Variants in TRMT10C observed in about 807,000 individuals in gnomAD.
The protein encoded by TRMT10C is tRNA methyltransferase 10C, mitochondrial RNase P subunit.
A neutral mutation model predicts 27.4 loss-of-function variants in TRMT10C; 14 were observed. The observed-to-expected ratio is 0.51, with a 90% CI of 0.34 to 0.80. The LOEUF (loss-of-function observed/expected upper bound fraction) is 0.80, where lower values mean the gene tolerates loss of function less well. Among genes scored for constraint, TRMT10C ranks in the 30% least tolerant of loss-of-function variants. The pLI is 0.02. For missense variants in TRMT10C, 438 were observed against 464.8 expected, an observed-to-expected ratio of 0.94 and a Z score of 0.53; for synonymous variants, 143 against 155.9, an observed-to-expected ratio of 0.92 and a Z score of 0.62.
At chr3:101,564,012 C>T (rs1934467488) in intron 1 of TRMT10C, among the ~76,000 whole-genome samples, 1 of 152,120 alleles carries the variant, frequency 6.6e-6, no homozygotes, top group Non-Finnish European at 1.5e-5. Flanking sequence ...ATTCTCAGTA[C>T]CTTTCATGTC....
rs1183681532 is a variant in TRMT10C at position 101,565,257 on chromosome 3, A to C, written c.476A>C (p.Glu159Ala). 6.2e-7 allele frequency: 1 copy of C among 1,611,622 alleles called. No individual in the cohort carries two copies. Among genetic ancestry groups the C allele is most frequent in the South Asian group, 1.1e-5 (1 of 90,338 alleles). ...KKEMKAAARE[E>A]AKNIKLLETT... ...GAAATGAAAGCAGCAGCAAGGGAAG[A>C]AGCAAAAAATATCAAGCTGCTAGAA... The change falls in exon 2 of 2, where the codon GAA (glutamate) becomes GCA (alanine). Residue 159 changes from glutamate to alanine, a missense_variant. Transcript: ENST00000309922.
In TRMT10C at chr3:101,564,800, A is replaced by T; in HGVS notation, c.19A>T (p.Met7Leu). ...TTGTTACATGGCTGCTTTCCTCAAAATGAGTGTTAGTGTCAATTTCTTCAG... is the reference window on the plus strand; with the variant it reads ...TTGTTACATGGCTGCTTTCCTCAAATTGAGTGTTAGTGTCAATTTCTTCAG... Reference protein sequence around the residue: MAAFLKMSVSVNFFRPF... With the variant: MAAFLKLSVSVNFFRPF... Residue 7 changes from methionine (M) to leucine (L), a missense_variant, in exon 2 of 2, where the codon ATG (methionine) becomes TTG (leucine). By Grantham distance (15) the Met-to-Leu change is conservative. Transcript: ENST00000309922. The T allele has an allele frequency of 6.4e-7, 1 of 1,570,250 alleles. No individual in the cohort carries two copies. The highest frequency in any genetic ancestry group is 8.7e-7 in the Non-Finnish European group (1 of 1,156,010).
rs1934451810 is a variant in TRMT10C, at chr3:101,563,241, G to A, written c.-13+1238G>A. 2.3e-5 allele frequency among the ~76,000 whole-genome samples: 3 copies of A among 130,420 alleles called. No individual in the cohort carries two copies. The South Asian group carries it at 7.0e-4, about 30-fold the overall frequency. The allele number at this position is 130,420 out of a possible 152,430, so 85.6% of individuals were successfully genotyped here. On this transcript the variant is annotated intron_variant, in intron 1 of 1. Coordinates refer to ENST00000309922, the MANE Select transcript of TRMT10C (RefSeq NM_017819.4). Reference sequence around the variant, plus strand: ...AGCGATTCTTCTACATCAGCCTCACGAGTACCTGGGAAGTAGAAGAATCGC... The same window carrying A: ...AGCGATTCTTCTACATCAGCCTCACAAGTACCTGGGAAGTAGAAGAATCGC...
In TRMT10C at chr3:101,565,025, A is replaced by G. The variant is rs779985920; in HGVS notation, c.244A>G (p.Ile82Val). The G allele has an allele frequency of 8.1e-6, 13 of 1,613,960 alleles. No homozygotes were observed. The highest frequency in any genetic ancestry group is 2.7e-5 in the African/African-American group (2 of 74,900). Reference protein sequence around the residue: ...SSVQEECVSTISSSKDEDPLA... With the variant: ...SSVQEECVSTVSSSKDEDPLA... ...TGTGCAAGAAGAATGTGTTTCAACA[A>G]TCTCAAGCAGTAAGGATGAAGATCC... is the stretch of plus-strand genomic sequence containing the variant. Residue 82 changes from isoleucine to valine, a missense_variant, in exon 2 of 2, where the codon ATC becomes GTC. Around this residue, in one of 3 missense-constraint regions of TRMT10C, gnomAD observed 350 missense variants for 370.5 expected, o/e 0.94. Transcript: ENST00000309922.
In TRMT10C at chr3:101,565,741, C is replaced by G. The variant is rs754536006; in HGVS notation, c.960C>G (p.Gly320=). 8.7e-6 allele frequency: 14 copies of G among 1,614,094 alleles called. No individual in the cohort carries two copies. Among genetic ancestry groups the G allele is most frequent in the Non-Finnish European group, 1.2e-5 (14 of 1,180,052 alleles). ...TTGTTGATAAGAGTATGCAGCCAGG[C>G]ACATCCCTAGCCAAGGCAAAACGGC... The part of the protein sequence containing the change: ...GSFVDKSMQP[G]TSLAKAKRLN... Residue 320 remains glycine (G), a synonymous_variant, in exon 2 of 2, where the codon GGC becomes GGG. Transcript: ENST00000309922.
chr3:101,562,647 CAAA>C (rs913753024), intron 1 of TRMT10C, among the ~76,000 whole-genome samples: 6 of 147,448 alleles, frequency 4.1e-5, no homozygotes, highest in Middle Eastern at 3.5e-3. Context: ...GACTCCGTCT[CAAA>C]AAAAATAATA....
chr3:101,565,757 G>C lies in TRMT10C; in HGVS notation c.976G>C (p.Ala326Pro). The change falls in exon 2 of 2, where the codon GCA (alanine) becomes CCA (proline). Residue 326 changes from alanine (A) to proline (P), a missense_variant. Transcript: ENST00000309922. The part of the protein sequence containing the change: ...SMQPGTSLAK[A>P]KRLNLATECL... ...GCAGCCAGGCACATCCCTAGCCAAG[G>C]CAAAACGGCTGAACCTGGCAACTGA... The C allele has an allele frequency of 6.2e-7, 1 of 1,614,114 alleles. No individual in the cohort carries two copies. Among genetic ancestry groups the C allele is most frequent in the Non-Finnish European group, 8.5e-7 (1 of 1,180,018 alleles).
At chr3:101,564,498 G>C (rs1420742373) in intron 1 of TRMT10C, among the ~76,000 whole-genome samples, 1 of 151,912 alleles carries the variant, frequency 6.6e-6, no homozygotes, top group Non-Finnish European at 1.5e-5. Context: ...GACCTCAGGT[G>C]ATCCACCCAC....
chr3:101,565,033 CAGTA>C lies in TRMT10C; in HGVS notation c.255_258del (p.Ser85ArgfsTer6). The C allele has an allele frequency of 1.9e-6, 3 of 1,613,802 alleles. No homozygotes were observed. The highest frequency in any genetic ancestry group is 2.5e-6 in the Non-Finnish European group (3 of 1,179,990). On this transcript the variant is annotated frameshift_variant, in exon 2 of 2. Coordinates refer to ENST00000309922, the MANE Select transcript of TRMT10C (RefSeq NM_017819.4). LOFTEE classifies it high-confidence loss of function. ...AAGAATGTGTTTCAACAATCTCAAG[CAGTA>C]AGGATGAAGATCCTCTAGCTGCCAC...
At position 101,564,759 on chromosome 3, in the gene TRMT10C, T is replaced by G. The variant is rs1934480497; in HGVS notation, c.-12-11T>G. On this transcript the variant is annotated splice_polypyrimidine_tract_variant and intron_variant, in intron 1 of 1. Coordinates refer to ENST00000309922, the MANE Select transcript of TRMT10C (RefSeq NM_017819.4). ...TGTCTAATTTTTAATTGCATTTTTC[T>G]TCTTTTACAGGGGTTTTGTTACATG... 6.8e-7 allele frequency: 1 copy of G among 1,477,854 alleles called. No individual in the cohort carries two copies. The highest frequency in any genetic ancestry group is 2.3e-5 in the East Asian group (1 of 43,344). 91.5% of individuals were successfully genotyped at this position (1,477,854 alleles called of 1,614,324 possible).
Position 101,565,521 on chromosome 3 carries a change from A to G in TRMT10C, c.740A>G (p.Asn247Ser), listed in dbSNP as rs771098507. Residue 247 changes from asparagine (N) to serine (S), a missense_variant, in exon 2 of 2, where the codon AAT becomes AGT. By Grantham distance (46) the Asn-to-Ser change is conservative (BLOSUM62 1). This residue lies in a region of TRMT10C where 350 missense variants were observed against 370.5 expected (regional missense o/e 0.94). Coordinates refer to ENST00000309922, the MANE Select transcript of TRMT10C (RefSeq NM_017819.4). ...GATCCTTTCCATATTTATTTCTGCAATCTAAAAATAGATGGTGCTTTGCAC... is the reference window on the plus strand; with the variant it reads ...GATCCTTTCCATATTTATTTCTGCAGTCTAAAAATAGATGGTGCTTTGCAC... Reference protein sequence around the residue: ...NVDPFHIYFCNLKIDGALHRE... With the variant: ...NVDPFHIYFCSLKIDGALHRE... 8 of 1,613,550 alleles carry G rather than the reference A, an allele frequency of 5.0e-6. No homozygotes were observed. The highest frequency in any genetic ancestry group is 6.8e-6 in the Non-Finnish European group (8 of 1,179,668).
chr3:101,563,235 C>A (rs149534080), intron 1 of TRMT10C, among the ~76,000 whole-genome samples: 2,409 of 130,874 alleles, frequency 0.018, 57 homozygotes, highest in African/African-American at 0.065. Flanking sequence ...TCTACATCAG[C>A]CTCACGAGTA....
At chr3:101,563,518 A>T (rs1934458843) in intron 1 of TRMT10C, among the ~76,000 whole-genome samples, 1 of 152,118 alleles carries the variant, frequency 6.6e-6, no homozygotes. Context: ...GTCACATCTC[A>T]GAAGGGAAAT....
At chr3:101,562,209 T>C (rs553082831) in intron 1 of TRMT10C, 2 of 152,232 alleles carry the variant, frequency 1.3e-5, no homozygotes, top group Non-Finnish European at 2.9e-5. Context: ...CTTTTTACAA[T>C]TGGGGTTTTC....
At position 101,565,753 on chromosome 3, in the gene TRMT10C, C is replaced by T. The variant is rs1934503654; in HGVS notation, c.972C>T (p.Ala324=). Residue 324 remains alanine, a synonymous_variant, in exon 2 of 2, where the codon GCC becomes GCT. Coordinates refer to ENST00000309922, the MANE Select transcript of TRMT10C (RefSeq NM_017819.4). ...GTATGCAGCCAGGCACATCCCTAGC[C>T]AAGGCAAAACGGCTGAACCTGGCAA... The part of the protein sequence containing the change: ...DKSMQPGTSL[A]KAKRLNLATE... 2 of 1,614,120 alleles carry T rather than the reference C, an allele frequency of 1.2e-6. No homozygotes were observed. Among genetic ancestry groups the T allele is most frequent in the South Asian group, 2.2e-5 (2 of 91,078 alleles).
chr3:101,565,792 A>G lies in TRMT10C; in HGVS notation c.1011A>G (p.Pro337=). The G allele has an allele frequency of 6.2e-7, 1 of 1,614,132 alleles. No homozygotes were observed. The highest frequency in any genetic ancestry group is 8.5e-7 in the Non-Finnish European group (1 of 1,179,960). The change falls in exon 2 of 2, where the codon CCA becomes CCG. Residue 337 remains proline (P), a synonymous_variant. Transcript: ENST00000309922. ...TGAACCTGGCAACTGAATGCCTTCC[A>G]TTAGATAAATATTTACAATGGGAAA... The part of the protein sequence containing the change: ...KRLNLATECL[P]LDKYLQWEIG...
At chr3:101,564,183 A>G (rs779751694) in intron 1 of TRMT10C, among the ~76,000 whole-genome samples, 2 of 151,782 alleles carry the variant, frequency 1.3e-5, no homozygotes, top group Admixed American at 6.6e-5. Context: ...CTAGATAAAA[A>G]TCTAAAAAGG....
rs1179048679 is a variant in TRMT10C, at chr3:101,565,563, G to A, written c.782G>A (p.Arg261Gln). 19 of 1,613,858 alleles carry A rather than the reference G, an allele frequency of 1.2e-5. No individual in the cohort carries two copies. Among genetic ancestry groups the A allele is most frequent in the Admixed American group, 5.0e-5 (3 of 59,970 alleles). ...GCTTTGCACAGAGAGTTAGTTAAAC[G>A]GTATCAAGAAAAATGGGACAAATTG... is the stretch of plus-strand genomic sequence containing the variant. ...DGALHRELVK[R>Q]YQEKWDKLLL... Residue 261 changes from arginine to glutamine, a missense_variant, in exon 2 of 2, where the codon CGG becomes CAG. By Grantham distance (43) the Arg-to-Gln change is conservative. This residue lies in a region of TRMT10C where 350 missense variants were observed against 370.5 expected (regional missense o/e 0.94). Coordinates refer to ENST00000309922, the MANE Select transcript of TRMT10C (RefSeq NM_017819.4).
Position 101,564,802 on chromosome 3 carries a change from G to T in TRMT10C, c.21G>T (p.Met7Ile), listed in dbSNP as rs745784863. The change falls in exon 2 of 2, where the codon ATG becomes ATT. Residue 7 changes from methionine to isoleucine, a missense_variant. Met to Ile is a conservative substitution (Grantham distance 10, BLOSUM62 1). Transcript: ENST00000309922. ...GTTACATGGCTGCTTTCCTCAAAAT[G>T]AGTGTTAGTGTCAATTTCTTCAGAC... MAAFLK[M>I]SVSVNFFRPF... 5 of 1,574,188 alleles carry T rather than the reference G, an allele frequency of 3.2e-6. No homozygotes were observed. Among genetic ancestry groups the T allele is most frequent in the Non-Finnish European group, 4.3e-6 (5 of 1,158,000 alleles).
Sources: allele counts gnomAD v4.1 joint callset (sites outside exome capture counted in the v4.1 genomes callset), GRCh38; gene constraint gnomAD v4.1.1; regional missense constraint gnomAD v4.1.1; transcripts MANE v1.5; gene names NCBI Gene and HGNC (gene_info 2026-07-23, HGNC 2026-07-21).